The following THADA variants were observed in gnomAD, a reference collection of about 807,000 sequenced individuals.
The protein encoded by THADA is tRNA (32-2'-O)-methyltransferase regulator THADA.
A neutral mutation model predicts 219.8 loss-of-function variants in THADA; 213 were observed. The ratio of observed to expected loss-of-function variants is 0.97; its 90% CI spans 0.87 to 1.09. The LOEUF (loss-of-function observed/expected upper bound fraction) is 1.09, where lower values mean the gene tolerates loss of function less well. THADA is among the 50% of genes least tolerant of loss of function. The pLI is 0.00. For synonymous variants in THADA, 1,018 were observed against 828.9 expected (o/e 1.23, Z -3.92); for missense variants, 2,956 against 2,311.3 (o/e 1.28, Z -5.72).
chr2:43,511,955 G>T (rs1370928540), intron 22 of THADA, among the ~76,000 whole-genome samples: 1 of 152,138 alleles, frequency 6.6e-6, no homozygotes, highest in African/African-American at 2.4e-5. Context: ...CTAGGTCAAG[G>T]CCCCAGAGGC....
intron 36 of THADA, among the ~76,000 whole-genome samples, chr2:43,251,773 A>AC (rs1446299286): frequency 6.6e-6 from 1 of 151,424 alleles, no homozygotes; most frequent in East Asian, 1.9e-4. Context: ...AAAACCTCCT[A>AC]CCTCCTCCCC....
chr2:43,365,068 G>C (rs1446097652), intron 29 of THADA, among the ~76,000 whole-genome samples: 1 of 151,298 alleles, frequency 6.6e-6, no homozygotes, highest in East Asian at 2.0e-4. Flanking sequence ...TGGGATTACA[G>C]GCATGCACCA....
chr2:43,288,501 G>C (rs1056622671), intron 34 of THADA, among the ~76,000 whole-genome samples: 1 of 152,196 alleles, frequency 6.6e-6, no homozygotes, highest in South Asian at 2.1e-4. Flanking sequence ...TAGATTCTCA[G>C]TTTATTACAA....
intron 29 of THADA, among the ~76,000 whole-genome samples, chr2:43,356,170 A>G (rs1194345352): frequency 1.3e-5 from 2 of 152,208 alleles, no homozygotes; most frequent in African/African-American, 4.8e-5. Context: ...ACATTTGAAC[A>G]GTAGTGAAAA....
chr2:43,429,159 G>GCT (rs1553439429), intron 27 of THADA, among the ~76,000 whole-genome samples: 29 of 152,030 alleles, frequency 1.9e-4, no homozygotes, highest in Non-Finnish European at 3.1e-4. Context: ...CCAAGCTGGA[G>GCT]TGCAGTGGCA....
At chr2:43,544,910 A>G (rs1437150044) in intron 20 of THADA, among the ~76,000 whole-genome samples, 1 of 150,118 alleles carries the variant, frequency 6.7e-6, no homozygotes, top group African/African-American at 2.5e-5. Context: ...TTCCAACACT[A>G]TGTTGAATAG....
intron 26 of THADA, among the ~76,000 whole-genome samples, chr2:43,438,742 G>C (rs1380282626): frequency 6.6e-6 from 1 of 152,192 alleles, no homozygotes; most frequent in African/African-American, 2.4e-5. Context: ...CATACCCCTA[G>C]TGGATGCCTG....
chr2:43,281,632 G>T (rs1299240359), intron 35 of THADA, among the ~76,000 whole-genome samples: 4 of 151,540 alleles, frequency 2.6e-5, no homozygotes, highest in Non-Finnish European at 1.5e-5. Context: ...GTAGGGACAG[G>T]TTTTCACCAT....
At chr2:43,433,099 T>C (rs553851674) in intron 26 of THADA, among the ~76,000 whole-genome samples, 20 of 152,262 alleles carry the variant, frequency 1.3e-4, no homozygotes, top group African/African-American at 3.4e-4. Flanking sequence ...AGCTTTTACA[T>C]TGAGGTCTAT....
intron 28 of THADA, among the ~76,000 whole-genome samples, chr2:43,419,795 T>TAAA (rs984863006): frequency 4.9e-4 from 73 of 148,834 alleles, no homozygotes; most frequent in African/African-American, 1.7e-3. Context: ...TAAGATACTT[T>TAAA]AAAATGTTAA....
intron 11 of THADA, 35 bp from the exon 12 acceptor site, chr2:43,573,027 A>AC (rs1699473675): frequency 1.3e-6 from 2 of 1,535,434 alleles, no homozygotes; most frequent in Admixed American, 2.0e-5. Context: ...TTACTGTATT[A>AC]TGCAATGACT....
intron 29 of THADA, among the ~76,000 whole-genome samples, chr2:43,353,536 G>C (rs1344171950): frequency 1.3e-5 from 2 of 151,878 alleles, no homozygotes; most frequent in Non-Finnish European, 2.9e-5. Context: ...TTTTAAATTG[G>C]GTTATATATT....
chr2:43,297,964 C>G (rs1359263842), intron 31 of THADA, among the ~76,000 whole-genome samples: 2 of 76,984 alleles, frequency 2.6e-5, no homozygotes, highest in Non-Finnish European at 4.8e-5. Flanking sequence ...GGGTCAGCCC[C>G]CCGCCCGGCC....
In THADA at chr2:43,552,256, T is replaced by C. The variant is rs781689937; in HGVS notation, c.2758A>G (p.Met920Val). ...GTTATACAGTGGACTCGCCCATACATTGGAAATGCTGCTGCTGCCTGAAGC... is the reference window on the plus strand; with the variant it reads ...GTTATACAGTGGACTCGCCCATACACTGGAAATGCTGCTGCTGCCTGAAGC... The part of the protein sequence containing the change: ...SLLQAAAAFP[M>V]YGRVHCITGA... The change falls in exon 18 of 38, where the codon ATG becomes GTG. Residue 920 changes from methionine to valine, a missense_variant. By Grantham distance (21) the Met-to-Val change is conservative. Transcript: ENST00000405975. 20 of 1,611,776 alleles carry C rather than the reference T, an allele frequency of 1.2e-5. No individual in the cohort carries two copies. In the South Asian group the frequency reaches 1.7e-4, roughly 13 times the overall value.
rs1042069201 is a variant in THADA at position 43,244,138 on chromosome 2, CCT to C, written c.5297-11258_5297-11257del. On this transcript the variant is annotated intron_variant, in intron 36 of 37. Transcript: ENST00000405975. ...AACACTGGGTAAATAAAATTTTTCC[CCT>C]GATTTTAAAAATGGACACAGCCAAT... 5.3e-5 allele frequency among the ~76,000 whole-genome samples: 8 copies of C among 151,896 alleles called. No homozygotes were observed. In the East Asian group the frequency reaches 7.7e-4, roughly 15 times the overall value.
intron 31 of THADA, among the ~76,000 whole-genome samples, chr2:43,314,107 A>G (rs1677811919): frequency 6.6e-6 from 1 of 152,206 alleles, no homozygotes; most frequent in African/African-American, 2.4e-5. Flanking sequence ...TTTCCTAAAA[A>G]TGAGGGTATA....
chr2:43,416,424 C>T (rs1381056735), intron 28 of THADA, among the ~76,000 whole-genome samples: 1 of 152,164 alleles, frequency 6.6e-6, no homozygotes, highest in Non-Finnish European at 1.5e-5. Context: ...CTGTAGATTT[C>T]ATACAAATAT....
At chr2:43,419,008 T>C (rs1677360723) in intron 28 of THADA, among the ~76,000 whole-genome samples, 1 of 152,068 alleles carries the variant, frequency 6.6e-6, no homozygotes, top group Non-Finnish European at 1.5e-5. Flanking sequence ...AAATGGAGAC[T>C]AAACACAGAC....
intron 7 of THADA, among the ~76,000 whole-genome samples, chr2:43,584,872 A>G (rs1008304300): frequency 4.6e-5 from 7 of 152,192 alleles, no homozygotes; most frequent in Admixed American, 1.3e-4. Context: ...TAGAAAAGGT[A>G]AAACAGGTGT....
Sources: allele counts gnomAD v4.1 joint callset (sites outside exome capture counted in the v4.1 genomes callset), GRCh38; gene constraint gnomAD v4.1.1; transcripts MANE v1.5; gene names NCBI Gene and HGNC (gene_info 2026-07-23, HGNC 2026-07-21).